SBNO2: variants seen among roughly 807,000 people sequenced by gnomAD.
SBNO2 encodes the protein protein strawberry notch homolog 2.
SBNO2 carries 89 observed loss-of-function variants against 146.3 expected under a neutral mutation model. The ratio of observed to expected loss-of-function variants is 0.61; its 90% CI spans 0.51 to 0.73. The LOEUF is 0.73. Ranked by LOEUF, SBNO2 falls within the 30% of genes least tolerant of loss-of-function variation. The pLI is 0.00. For synonymous variants in SBNO2, 1,147 were observed against 892.6 expected (o/e 1.29, Z -5.08); for missense variants, 2,092 against 2,003.7 (o/e 1.04, Z -0.84).
At chr19:1,159,743 G>A (rs962572341) in intron 1 of SBNO2, among the ~76,000 whole-genome samples, 1 of 112,540 alleles carries the variant, frequency 8.9e-6, no homozygotes, top group Non-Finnish European at 1.9e-5. Context: ...GGTGACAACA[G>A]GGAGACAGCG....
chr19:1,154,169 G>A lies in SBNO2; in HGVS notation c.93+15C>T, dbSNP rs551163865. On this transcript the variant is annotated intron_variant, in intron 2 of 31. Transcript: ENST00000361757. ...GGACCCCGTCGGGTGGGCCGGGGCC[G>A]GGGGTGGGGCTCACCTGCAGGGGCG... 6.6e-5 allele frequency: 78 copies of A among 1,189,442 alleles called. 1 individual carries two copies. In the South Asian group the frequency reaches 2.1e-3, roughly 31 times the overall value. The allele number at this position is 1,189,442 out of a possible 1,614,324, so 73.7% of individuals were successfully genotyped here.
rs1007391140 is a variant in SBNO2 at position 1,158,626 on chromosome 19, G to A, written c.-126-4224C>T. Among the ~76,000 whole-genome samples, 41 of 152,286 alleles carry A rather than the reference G, an allele frequency of 2.7e-4. No homozygotes were observed. The highest frequency in any genetic ancestry group is 3.4e-3 in the Middle Eastern group (1 of 294). On this transcript the variant is annotated intron_variant, in intron 1 of 31. Transcript: ENST00000361757. The surrounding 1 kb of genome is among the most constrained non-coding windows in gnomAD (Gnocchi z 9.9). The stretch of plus-strand genomic sequence containing the variant: ...GGACATGGAGGTCTGAGGAGGAGGC[G>A]GCGAGGCCCGGGCGAGCGGGCGCGA...
intron 4 of SBNO2, among the ~76,000 whole-genome samples, chr19:1,131,821 C>A (rs993638467): frequency 4.6e-5 from 7 of 152,260 alleles, no homozygotes; most frequent in Admixed American, 2.6e-4. Flanking sequence ...CCGACCCCCC[C>A]ACTCCGCTCG....
rs529051814 is a variant in SBNO2 at position 1,127,852 on chromosome 19, C to A, written c.280-87G>T. 2.1e-5 allele frequency: 25 copies of A among 1,207,768 alleles called. No homozygotes were observed. The African/African-American group carries it at 3.1e-4, about 15-fold the overall frequency. 74.8% of individuals were successfully genotyped at this position (1,207,768 alleles called of 1,614,324 possible). A position where few individuals can be genotyped will look rare whatever the true frequency, so the allele number is the denominator to read the frequency against. ...CTGGAGCACGTGGGGATGGGAGACACCACGGCCCTCCACACACTGGAGCAT... is the reference window on the plus strand; with the variant it reads ...CTGGAGCACGTGGGGATGGGAGACAACACGGCCCTCCACACACTGGAGCAT... On this transcript the variant is annotated intron_variant, in intron 4 of 31. Coordinates refer to ENST00000361757, the MANE Select transcript of SBNO2 (RefSeq NM_014963.3).
chr19:1,163,487 G>A (rs1442780928), intron 1 of SBNO2, among the ~76,000 whole-genome samples: 1 of 152,212 alleles, frequency 6.6e-6, no homozygotes, highest in South Asian at 2.1e-4. Flanking sequence ...CGAGAAGCTC[G>A]TCCAGGGAGG....
intron 1 of SBNO2, among the ~76,000 whole-genome samples, chr19:1,160,850 A>G (rs2080336733): frequency 6.6e-6 from 1 of 151,948 alleles, no homozygotes; most frequent in African/African-American, 2.4e-5. Context: ...TCATTTTCAT[A>G]GTAACATGAA....
chr19:1,158,352 T>C lies in SBNO2; in HGVS notation c.-126-3950A>G, dbSNP rs906213362. On this transcript the variant is annotated intron_variant, in intron 1 of 31. Transcript: ENST00000361757. The surrounding 1 kb of genome is among the most constrained non-coding windows in gnomAD (Gnocchi z 9.9). ...GGGTTGTGACCCCCGCACTTTCGGA[T>C]GTGGACACGGAGGCCCCTAGGTGGA... Among the ~76,000 whole-genome samples, 14 of 152,234 alleles carry C rather than the reference T, an allele frequency of 9.2e-5. No individual in the cohort carries two copies. Among genetic ancestry groups the C allele is most frequent in the African/African-American group, 3.4e-4 (14 of 41,538 alleles).
intron 1 of SBNO2, among the ~76,000 whole-genome samples, chr19:1,160,531 G>A (rs1455168213): frequency 2.0e-5 from 3 of 152,154 alleles, no homozygotes; most frequent in Admixed American, 6.5e-5. Flanking sequence ...TGGAGCCACC[G>A]GGGGTCTCGT....
Position 1,127,774 on chromosome 19 carries a change from C to T in SBNO2, c.280-9G>A, listed in dbSNP as rs756924403. 4.3e-6 allele frequency: 7 copies of T among 1,612,230 alleles called. No homozygotes were observed. Among genetic ancestry groups the T allele is most frequent in the South Asian group, 3.3e-5 (3 of 91,006 alleles). On this transcript the variant is annotated splice_polypyrimidine_tract_variant and intron_variant, in intron 4 of 31. Coordinates refer to ENST00000361757, the MANE Select transcript of SBNO2 (RefSeq NM_014963.3). ...TCAAAATAGGAGGAGTCCTGGAAGACAAGGCCAGGCCCGGTGAGGGTGGTA... is the reference window on the plus strand; with the variant it reads ...TCAAAATAGGAGGAGTCCTGGAAGATAAGGCCAGGCCCGGTGAGGGTGGTA...
At position 1,118,431 on chromosome 19, in the gene SBNO2, A is replaced by C. The variant is rs374097647; in HGVS notation, c.1527+580T>G. Among the ~76,000 whole-genome samples, 39 of 152,296 alleles carry C rather than the reference A, an allele frequency of 2.6e-4. No homozygotes were observed. In the South Asian group the frequency reaches 7.2e-3, roughly 28 times the overall value. ...CTGTCCAAACATGGAGGGAACGACCAAGCCACATGGCCCACAGCAATGTGG... is the reference window on the plus strand; with the variant it reads ...CTGTCCAAACATGGAGGGAACGACCCAGCCACATGGCCCACAGCAATGTGG... On this transcript the variant is annotated intron_variant, in intron 14 of 31. Coordinates refer to ENST00000361757, the MANE Select transcript of SBNO2 (RefSeq NM_014963.3).
intron 16 of SBNO2, 38 bp from the exon 17 acceptor site, chr19:1,116,141 G>C (rs1276246582): frequency 7.0e-6 from 11 of 1,573,418 alleles, no homozygotes; most frequent in Non-Finnish European, 9.5e-6. Flanking sequence ...CACACGAGGA[G>C]CTGAGGCCAG....
chr19:1,172,537 C>T (rs922064308), intron 1 of SBNO2, among the ~76,000 whole-genome samples: 2 of 152,172 alleles, frequency 1.3e-5, no homozygotes, highest in South Asian at 2.1e-4. Flanking sequence ...CTTCCAGGGC[C>T]GAGTCAGGGA....
At chr19:1,152,360 G>A (rs112411352) in intron 2 of SBNO2, among the ~76,000 whole-genome samples, 53 of 152,310 alleles carry the variant, frequency 3.5e-4, no homozygotes, top group African/African-American at 1.0e-3. Context: ...AAATAGTGCC[G>A]CTCTGTCTTC....
At chr19:1,156,199 C>T (rs964999457) in intron 1 of SBNO2, among the ~76,000 whole-genome samples, 1 of 152,166 alleles carries the variant, frequency 6.6e-6, no homozygotes, top group Non-Finnish European at 1.5e-5. Flanking sequence ...CTCCTCCCTC[C>T]CTACGGTCTC....
rs117830785 is a variant in SBNO2, at chr19:1,173,894, A to G, written c.-127+278T>C. On this transcript the variant is annotated intron_variant, in intron 1 of 31. Coordinates refer to ENST00000361757, the MANE Select transcript of SBNO2 (RefSeq NM_014963.3). The surrounding 1 kb of genome is among the most constrained non-coding windows in gnomAD (Gnocchi z 4.7). Reference sequence around the variant, plus strand: ...AGGGTTGTCGTGGAAGGTAGGGTTAAGGTTCACGGCAGGGGGTCGCCGGGG... The same window carrying G: ...AGGGTTGTCGTGGAAGGTAGGGTTAGGGTTCACGGCAGGGGGTCGCCGGGG... 9,959 of 79,208 alleles carry G rather than the reference A, an allele frequency of 0.13. 417 individuals are homozygous for G. The highest frequency in any genetic ancestry group is 0.29 in the Middle Eastern group (45 of 154). The allele number at this position is 79,208 out of a possible 1,614,324, so 4.9% of individuals were successfully genotyped here.
intron 1 of SBNO2, among the ~76,000 whole-genome samples, chr19:1,160,012 A>AGCCTCCGGGT (rs2080329222): frequency 6.6e-6 from 1 of 152,064 alleles, no homozygotes; most frequent in Non-Finnish European, 1.5e-5. Context: ...TGCAGCCATC[A>AGCCTCCGGGT]GCCTCCGGGT....
At chr19:1,122,599 C>G (rs565332390) in intron 9 of SBNO2, 41 bp from the exon 10 acceptor site, 16 of 1,316,076 alleles carry the variant, frequency 1.2e-5, no homozygotes, top group Non-Finnish European at 1.6e-5. Context: ...CCTTCCCCCT[C>G]GCCCCCCGCT....
chr19:1,117,287 G>T (rs532423982), intron 15 of SBNO2, 36 bp downstream of exon 15: 2 of 1,534,456 alleles, frequency 1.3e-6, no homozygotes, highest in Non-Finnish European at 1.8e-6. Flanking sequence ...CTGCAGGCCC[G>T]GCCGCCCTCA....
rs772586815 is a variant in SBNO2 at position 1,112,535 on chromosome 19, G to T, written c.2382C>A (p.Leu794=). 2 of 1,598,246 alleles carry T rather than the reference G, an allele frequency of 1.3e-6. No individual in the cohort carries two copies. The highest frequency in any genetic ancestry group is 2.2e-5 in the South Asian group (2 of 89,818). ...EKQRFMSGEK[L]VAIISEASSS... ...TGGAGGCCTCCGAGATGATGGCCACGAGCTAGGGGGAAAGAAGGGGCCGGG... is the reference window on the plus strand; with the variant it reads ...TGGAGGCCTCCGAGATGATGGCCACTAGCTAGGGGGAAAGAAGGGGCCGGG... Residue 794 remains leucine (L), a splice_region_variant and synonymous_variant, in exon 21 of 32, where the codon CTC becomes CTA. Coordinates refer to ENST00000361757, the MANE Select transcript of SBNO2 (RefSeq NM_014963.3). This position sits in a 1 kb window ranked among gnomAD's most constrained non-coding sequence, Gnocchi z 5.9.
Sources: allele counts gnomAD v4.1 joint callset (sites outside exome capture counted in the v4.1 genomes callset), GRCh38; gene constraint gnomAD v4.1.1; non-coding constraint Gnocchi (gnomAD v3.1); transcripts MANE v1.5; gene names NCBI Gene and HGNC (gene_info 2026-07-23, HGNC 2026-07-21).